DPF2: variants seen among roughly 807,000 people sequenced by gnomAD.
The protein encoded by DPF2 is zinc finger protein ubi-d4.
DPF2 carries 10 observed loss-of-function variants against 59.6 expected under a neutral mutation model. The observed-to-expected ratio is 0.17, with a 90% CI of 0.10 to 0.28. The LOEUF (loss-of-function observed/expected upper bound fraction) is 0.28, where lower values mean the gene tolerates loss of function less well. DPF2 is among the 10% of genes least tolerant of loss of function. The pLI, the probability that DPF2 is intolerant of heterozygous loss-of-function variation, is 1.00. For synonymous variants in DPF2, 189 were observed against 190.6 expected (o/e 0.99, Z 0.07); for missense variants, 315 against 509.4 (o/e 0.62, Z 3.67).
chr11:65,351,089 C>G (rs758062427), intron 10 of DPF2, among the ~76,000 whole-genome samples: 1 of 152,174 alleles, frequency 6.6e-6, no homozygotes, highest in South Asian at 2.1e-4. Context: ...ACTTTGCCAA[C>G]CGTATTGACC....
At chr11:65,350,994 A>AG (rs975589934) in intron 10 of DPF2, among the ~76,000 whole-genome samples, 1 of 151,734 alleles carries the variant, frequency 6.6e-6, no homozygotes, top group African/African-American at 2.4e-5. Context: ...AAAAAAAAAA[A>AG]TAAAGGGAGT....
intron 1 of DPF2, among the ~76,000 whole-genome samples, chr11:65,339,687 C>G (rs1348110266): frequency 2.0e-5 from 3 of 152,216 alleles, no homozygotes; most frequent in Non-Finnish European, 4.4e-5. Context: ...TAGTCACCCA[C>G]TTTTTCTCCC....
rs113378926 is a variant in DPF2, at chr11:65,340,632, G to A, written c.193+87G>A. 7.1e-5 allele frequency: 109 copies of A among 1,543,622 alleles called. No individual in the cohort carries two copies. The African/African-American group carries it at 1.2e-3, about 16-fold the overall frequency. The stretch of plus-strand genomic sequence containing the variant: ...CTTAGGTGATGAGACAGTTGATAGG[G>A]TTTTCCCTACTGCCTTCCACCTATG... On this transcript the variant is annotated intron_variant, in intron 2 of 10. Coordinates refer to ENST00000528416, the MANE Select transcript of DPF2 (RefSeq NM_006268.5).
chr11:65,341,210 C>G, intron 3 of DPF2, 137 bp downstream of exon 3: 1 of 1,257,218 alleles, frequency 8.0e-7, no homozygotes, highest in Non-Finnish European at 1.1e-6. Context: ...CTTTAAGGAC[C>G]TCAGTCTAGA....
At chr11:65,338,951 A>G (rs531451913) in intron 1 of DPF2, among the ~76,000 whole-genome samples, 1 of 152,246 alleles carries the variant, frequency 6.6e-6, no homozygotes, top group Admixed American at 6.5e-5. Context: ...CTCAATCTAT[A>G]GAAGAGTAAC....
chr11:65,348,984 A>G (rs1854617661), intron 10 of DPF2, 53 bp downstream of exon 10: 1 of 1,584,808 alleles, frequency 6.3e-7, no homozygotes, highest in Non-Finnish European at 8.7e-7. Flanking sequence ...GTTACTTGGA[A>G]AATACTGAGT....
chr11:65,341,029 A>G lies in DPF2; in HGVS notation c.257A>G (p.His86Arg). The change falls in exon 3 of 11, where the codon CAT becomes CGT. Residue 86 changes from histidine (H) to arginine (R), a missense_variant. His to Arg is a conservative substitution (Grantham distance 29). This residue lies in a region of DPF2 where 228 missense variants were observed against 275.3 expected (regional missense o/e 0.83). Transcript: ENST00000528416. ...CGCTGGCGGAAAAAGCGGCGAGCCCATCCCCCTGAGGATCCACGACTTTCC... is the reference window on the plus strand; with the variant it reads ...CGCTGGCGGAAAAAGCGGCGAGCCCGTCCCCCTGAGGATCCACGACTTTCC... ...ARRWRKKRRA[H>R]PPEDPRLSFP... is the part of the protein sequence containing the mutation. 1 of 1,614,132 alleles carries G rather than the reference A, an allele frequency of 6.2e-7. No individual in the cohort carries two copies. Among genetic ancestry groups the G allele is most frequent in the South Asian group, 1.1e-5 (1 of 91,084 alleles).
At chr11:65,351,219 G>A (rs1057193766) in intron 10 of DPF2, among the ~76,000 whole-genome samples, 3 of 152,092 alleles carry the variant, frequency 2.0e-5, no homozygotes, top group Non-Finnish European at 2.9e-5. Flanking sequence ...AGGCATTAAG[G>A]ACTAATTTTA....
chr11:65,344,050 T>A lies in DPF2; in HGVS notation c.618T>A (p.Asp206Glu). ...KLDASILEDR[D>E]KPYACDICGK... ...ATGCTTCCATCCTGGAGGACCGGGATAAGCCCTATGCCTGTGACAGTGAGT... is the reference window on the plus strand; with the variant it reads ...ATGCTTCCATCCTGGAGGACCGGGAAAAGCCCTATGCCTGTGACAGTGAGT... The change falls in exon 6 of 11, where the codon GAT becomes GAA. Residue 206 changes from aspartate (D) to glutamate (E), a missense_variant. By Grantham distance (45) the Asp-to-Glu change is conservative. This residue lies in a region of DPF2 where 228 missense variants were observed against 275.3 expected (regional missense o/e 0.83). Transcript: ENST00000528416. 3 of 1,614,230 alleles carry A rather than the reference T, an allele frequency of 1.9e-6. No individual in the cohort carries two copies. The highest frequency in any genetic ancestry group is 2.5e-6 in the Non-Finnish European group (3 of 1,180,032).
At chr11:65,342,497 A>G (rs1854402527) in intron 4 of DPF2, among the ~76,000 whole-genome samples, 1 of 152,204 alleles carries the variant, frequency 6.6e-6, no homozygotes, top group Non-Finnish European at 1.5e-5. Flanking sequence ...CTTTTATCAC[A>G]AAAGTTTGTG....
At chr11:65,340,831 A>C (rs1346042028) in intron 2 of DPF2, 135 bp from the exon 3 acceptor site, 4 of 914,012 alleles carry the variant, frequency 4.4e-6, no homozygotes, top group African/African-American at 3.4e-5. Flanking sequence ...ATTCCACCTA[A>C]CCCCCTAGGC....
At position 65,353,137 on chromosome 11, in the gene DPF2, G is replaced by A. The variant is rs556269971; in HGVS notation, c.*1378G>A. ...TTTGTGGAACCCCAATATGTAAAGC[G>A]AATATAAAATTGGTTATTTTGTTTT... On this transcript the variant is annotated 3_prime_UTR_variant, in exon 11 of 11. Coordinates refer to ENST00000528416, the MANE Select transcript of DPF2 (RefSeq NM_006268.5). 4.0e-5 allele frequency: 6 copies of A among 151,426 alleles called. No individual in the cohort carries two copies. The highest frequency in any genetic ancestry group is 4.2e-4 in the South Asian group (2 of 4,796). 9.4% of individuals were successfully genotyped at this position (151,426 alleles called of 1,614,324 possible). A position where few individuals can be genotyped will look rare whatever the true frequency, so the allele number is the denominator to read the frequency against.
intron 5 of DPF2, 37 bp downstream of exon 5, chr11:65,343,874 G>T: frequency 6.3e-7 from 1 of 1,582,978 alleles, no homozygotes; most frequent in East Asian, 2.3e-5. Flanking sequence ...CTTGGGACAG[G>T]GTGGCCTAGG....
At chr11:65,349,601 C>T (rs1854632063) in intron 10 of DPF2, among the ~76,000 whole-genome samples, 1 of 152,146 alleles carries the variant, frequency 6.6e-6, no homozygotes. Flanking sequence ...GGAGACCATC[C>T]TGGCTAACAC....
At chr11:65,344,147 G>C in intron 6 of DPF2, 78 bp downstream of exon 6, 1 of 1,468,988 alleles carries the variant, frequency 6.8e-7, no homozygotes, top group Non-Finnish European at 9.5e-7. Context: ...AGGGAGGGTT[G>C]TGTTTTTGCC....
intron 10 of DPF2, 43 bp downstream of exon 10, chr11:65,348,974 G>A: frequency 1.2e-6 from 2 of 1,600,492 alleles, no homozygotes; most frequent in Non-Finnish European, 1.7e-6. Flanking sequence ...TACTTTATTA[G>A]TTACTTGGAA....
At chr11:65,340,362 C>T (rs773939317) in intron 1 of DPF2, 23 bp from the exon 2 acceptor site, 3 of 1,612,848 alleles carry the variant, frequency 1.9e-6, no homozygotes, top group Admixed American at 1.7e-5. Context: ...AACATACACG[C>T]CTGATTTCTA....
At chr11:65,338,578 G>A (rs1452103871) in intron 1 of DPF2, among the ~76,000 whole-genome samples, 1 of 152,200 alleles carries the variant, frequency 6.6e-6, no homozygotes, top group African/African-American at 2.4e-5. Flanking sequence ...TGAAGACGTG[G>A]CTGCCTCCTA....
At chr11:65,340,890 A>C (rs907646250) in intron 2 of DPF2, 76 bp from the exon 3 acceptor site, 4 of 1,410,268 alleles carry the variant, frequency 2.8e-6, no homozygotes, top group East Asian at 2.4e-5. Flanking sequence ...AGGGGGGCCT[A>C]CTTAATTAGA....
Sources: allele counts gnomAD v4.1 joint callset (sites outside exome capture counted in the v4.1 genomes callset), GRCh38; gene constraint gnomAD v4.1.1; regional missense constraint gnomAD v4.1.1; transcripts MANE v1.5; gene names NCBI Gene and HGNC (gene_info 2026-07-23, HGNC 2026-07-21).